The following IQSEC3 variants were observed in gnomAD, a reference collection of about 807,000 sequenced individuals.
The protein encoded by IQSEC3 is IQ motif and SEC7 domain-containing protein 3.
IQSEC3 carries 50 observed loss-of-function variants against 105.4 expected under a neutral mutation model. The observed-to-expected ratio is 0.47, with a 90% CI of 0.38 to 0.60. The LOEUF (loss-of-function observed/expected upper bound fraction) is 0.60. Among genes scored for constraint, IQSEC3 ranks in the 20% least tolerant of loss-of-function variants. The pLI is 0.00. For missense variants in IQSEC3, 1,415 were observed against 1,630.0 expected, an observed-to-expected ratio of 0.87 and a Z score of 2.27; for synonymous variants, 708 against 746.0, an observed-to-expected ratio of 0.95 and a Z score of 0.83.
At chr12:147,078 T>A (rs1216554444) in intron 5 of IQSEC3, among the ~76,000 whole-genome samples, 1 of 152,200 alleles carries the variant, frequency 6.6e-6, no homozygotes. Flanking sequence ...GACTTTTATA[T>A]AAAAATGGAC....
intron 2 of IQSEC3, among the ~76,000 whole-genome samples, chr12:106,166 C>A (rs1864642158): frequency 6.6e-6 from 1 of 152,188 alleles, no homozygotes; most frequent in Non-Finnish European, 1.5e-5. Context: ...ATTTTACAGA[C>A]AAGGAAACTG....
At chr12:90,621 G>A (rs1312302533) in intron 1 of IQSEC3, among the ~76,000 whole-genome samples, 1 of 152,080 alleles carries the variant, frequency 6.6e-6, no homozygotes, top group African/African-American at 2.4e-5. Flanking sequence ...TTTACCAAGG[G>A]TCAATTTATG....
chr12:121,583 G>A (rs562509332), intron 2 of IQSEC3, among the ~76,000 whole-genome samples: 82 of 152,330 alleles, frequency 5.4e-4, no homozygotes, highest in African/African-American at 1.8e-3. Flanking sequence ...TGGCTGGAAC[G>A]GGGTAGGAGG....
At chr12:121,115 C>T (rs10849574) in intron 2 of IQSEC3, among the ~76,000 whole-genome samples, 84,433 of 151,568 alleles carry the variant, frequency 0.56, 24,289 homozygotes, top group East Asian at 0.69. Flanking sequence ...CCACATACTT[C>T]CTGTCGAAGG....
At position 104,555 on chromosome 12, in the gene IQSEC3, A is replaced by G. The variant is rs1414497651; in HGVS notation, c.623+5341A>G. Among the ~76,000 whole-genome samples, 18 of 135,122 alleles carry G rather than the reference A, an allele frequency of 1.3e-4. No homozygotes were observed. In the East Asian group the frequency reaches 1.9e-3, roughly 14 times the overall value. The allele number at this position is 135,122 out of a possible 152,430, so 88.6% of individuals were successfully genotyped here. A position where few individuals can be genotyped will look rare whatever the true frequency, so the allele number is the denominator to read the frequency against. On this transcript the variant is annotated intron_variant, in intron 2 of 13. Coordinates refer to ENST00000538872, the MANE Select transcript of IQSEC3 (RefSeq NM_001170738.2). ...TGGGTTTTACGTCCTTCCCACGCCC[A>G]TTTTAAAAAAAAAAGATTTTGTAGT...
chr12:165,673 T>C (rs2291923), intron 10 of IQSEC3, 56 bp from the exon 11 acceptor site: 497,402 of 1,600,658 alleles, frequency 0.31, 79,379 homozygotes, highest in East Asian at 0.35. Context: ...TGGCTGGCTC[T>C]GGCCCTCGGC....
chr12:84,466 G>A (rs1455127704), intron 1 of IQSEC3, among the ~76,000 whole-genome samples: 6 of 152,252 alleles, frequency 3.9e-5, no homozygotes, highest in African/African-American at 1.4e-4. Context: ...GTGAGAATAT[G>A]TATGTGTGTA....
intron 2 of IQSEC3, among the ~76,000 whole-genome samples, chr12:120,554 G>T (rs12321088): frequency 2.6e-5 from 4 of 152,064 alleles, no homozygotes; most frequent in African/African-American, 9.7e-5. Flanking sequence ...CCATCTGTGT[G>T]CCAGGACCAG....
intron 5 of IQSEC3, among the ~76,000 whole-genome samples, chr12:153,746 C>G (rs373289192): frequency 1.3e-5 from 2 of 152,114 alleles, no homozygotes; most frequent in African/African-American, 4.8e-5. Context: ...CAAAAGCAGC[C>G]CCGATAGCCA....
intron 3 of IQSEC3, among the ~76,000 whole-genome samples, chr12:136,577 C>T (rs1188204026): frequency 1.3e-5 from 2 of 152,094 alleles, no homozygotes; most frequent in East Asian, 3.9e-4. Flanking sequence ...CATCCATGAT[C>T]CCTGGAGAAC....
At chr12:126,117 C>G (rs1591686319) in intron 3 of IQSEC3, among the ~76,000 whole-genome samples, 1 of 152,258 alleles carries the variant, frequency 6.6e-6, no homozygotes, top group Admixed American at 6.5e-5. Flanking sequence ...AGGGCTCATA[C>G]CCTCGCAATG....
At chr12:73,207 T>C (rs1294650171) in intron 1 of IQSEC3, among the ~76,000 whole-genome samples, 3 of 152,176 alleles carry the variant, frequency 2.0e-5, no homozygotes, top group East Asian at 1.9e-4. Flanking sequence ...GTTGAGAACA[T>C]GGGCTTTGGG....
chr12:130,186 A>T (rs1555084566), intron 3 of IQSEC3, among the ~76,000 whole-genome samples: 2 of 152,204 alleles, frequency 1.3e-5, no homozygotes, highest in African/African-American at 4.8e-5. Flanking sequence ...ATACAGGCCT[A>T]GTCATCAGGG....
chr12:100,035 G>C (rs1372041277), intron 2 of IQSEC3, among the ~76,000 whole-genome samples: 2 of 146,648 alleles, frequency 1.4e-5, no homozygotes, highest in African/African-American at 5.1e-5. Context: ...TTCTTGACTT[G>C]TTCTTTACTC....
At chr12:110,256 A>G (rs11832920) in intron 2 of IQSEC3, among the ~76,000 whole-genome samples, 4,781 of 151,792 alleles carry the variant, frequency 0.031, 189 homozygotes, top group African/African-American at 0.097. Context: ...TTTTCATTCC[A>G]CCTATCAATC....
chr12:135,570 G>A (rs1555086152), intron 3 of IQSEC3, among the ~76,000 whole-genome samples: 1 of 152,202 alleles, frequency 6.6e-6, no homozygotes, highest in East Asian at 1.9e-4. Flanking sequence ...AATGTGATGG[G>A]ACATCACTCC....
intron 13 of IQSEC3, among the ~76,000 whole-genome samples, chr12:171,634 G>A (rs556666112): frequency 2.0e-5 from 3 of 152,310 alleles, no homozygotes; most frequent in South Asian, 2.1e-4. Context: ...TCACTTCTGG[G>A]GCAGACCCTG....
At chr12:81,609 G>C (rs1319838218) in intron 1 of IQSEC3, among the ~76,000 whole-genome samples, 1 of 152,194 alleles carries the variant, frequency 6.6e-6, no homozygotes, top group Non-Finnish European at 1.5e-5. Flanking sequence ...GAAGTCCATG[G>C]GGGATGAGGA....
intron 4 of IQSEC3, 89 bp downstream of exon 4, chr12:139,443 G>T (rs571036142): frequency 7.1e-6 from 8 of 1,134,162 alleles, no homozygotes; most frequent in African/African-American, 1.6e-5. Context: ...CAAGCAGGGC[G>T]CCAGGTAACT....
Sources: gnomAD v4.1 joint callset for allele counts (sites outside exome capture counted in the v4.1 genomes callset) on GRCh38, gnomAD v4.1.1 for gene constraint, MANE v1.5 for transcripts, NCBI Gene and HGNC (gene_info 2026-07-23, HGNC 2026-07-21) for gene names.